NRXN3: variants seen among roughly 807,000 people sequenced by gnomAD.
NRXN3 encodes the protein neurexin 3.
Under a neutral mutation model 137.6 loss-of-function variants are expected in NRXN3, and 32 were observed. That is an observed-to-expected ratio of 0.23 (90% CI 0.18 to 0.31). NRXN3 has a LOEUF of 0.31. Ranked by LOEUF, NRXN3 falls within the 10% of genes least tolerant of loss-of-function variation. The pLI is 1.00. For missense variants in NRXN3, 1,574 were observed against 2,062.5 expected (o/e 0.76, Z 4.59); for synonymous variants, 798 against 784.5 (o/e 1.02, Z -0.29).
chr14:78,669,507 T>C lies in NRXN3; in HGVS notation c.1221+18181T>C, dbSNP rs79204220. ...GATGATATGCTAAACAAGAGGTATA[T>C]ATTTATTAAATACCTGCTAAAGACC... On this transcript the variant is annotated intron_variant, in intron 6 of 20. Coordinates refer to ENST00000335750, the MANE Select transcript of NRXN3 (RefSeq NM_001330195.2). 3.8e-3 allele frequency among the ~76,000 whole-genome samples: 574 copies of C among 152,294 alleles called. 2 individuals carry two copies. Among genetic ancestry groups the C allele is most frequent in the African/African-American group, 0.014 (567 of 41,560 alleles).
chr14:79,043,181 A>G (rs1432549320), intron 15 of NRXN3, among the ~76,000 whole-genome samples: 2 of 152,204 alleles, frequency 1.3e-5, no homozygotes, highest in Non-Finnish European at 2.9e-5. Flanking sequence ...TACCAAGTGA[A>G]TTGGTTAATA....
intron 4 of NRXN3, among the ~76,000 whole-genome samples, chr14:78,640,080 G>A (rs1341985244): frequency 6.6e-6 from 1 of 152,024 alleles, no homozygotes; most frequent in African/African-American, 2.4e-5. Flanking sequence ...TCCAATGATT[G>A]CATTTGGATC....
In NRXN3 at chr14:78,967,376, T is replaced by C; in HGVS notation, c.2946T>C (p.Gly982=). 5.0e-6 allele frequency: 8 copies of C among 1,613,362 alleles called. No individual in the cohort carries two copies. The highest frequency in any genetic ancestry group is 6.8e-6 in the Non-Finnish European group (8 of 1,179,610). The stretch of plus-strand genomic sequence containing the variant: ...AAGTGGTCACTCAGGTTATCAATGG[T>C]GCCAAAAATCTGGATTTGAAAGGTA... The part of the protein sequence containing the change: ...DTKVVTQVIN[G]AKNLDLKGDL... Residue 982 remains glycine (G), a synonymous_variant, in exon 13 of 21, where the codon GGT becomes GGC. Coordinates refer to ENST00000335750, the MANE Select transcript of NRXN3 (RefSeq NM_001330195.2).
chr14:78,172,044 T>C (rs1166470751), intron 1 of NRXN3, among the ~76,000 whole-genome samples: 1 of 152,122 alleles, frequency 6.6e-6, no homozygotes, highest in Non-Finnish European at 1.5e-5. Context: ...TAGTTTTTCT[T>C]TTACCACTAC....
rs549335568 is a variant in NRXN3, at chr14:79,136,751, A to G, written c.3262+148610A>G. On this transcript the variant is annotated intron_variant, in intron 15 of 20. Transcript: ENST00000335750. ...CTTATGTTCCCCAGGGACTGCCAGT[A>G]CTTTACTTGGCAAGAATAGAAAAGG... 2.6e-3 allele frequency among the ~76,000 whole-genome samples: 396 copies of G among 152,356 alleles called. 1 individual carries two copies. Among genetic ancestry groups the G allele is most frequent in the African/African-American group, 9.0e-3 (376 of 41,592 alleles).
At chr14:78,273,358 A>G (rs1252792570) in intron 2 of NRXN3, among the ~76,000 whole-genome samples, 6 of 152,238 alleles carry the variant, frequency 3.9e-5, no homozygotes, top group Admixed American at 3.9e-4. Flanking sequence ...CACTTAGAAC[A>G]GTGCCTAGCA....
chr14:78,445,122 G>T (rs1386593385), intron 4 of NRXN3, among the ~76,000 whole-genome samples: 2 of 152,124 alleles, frequency 1.3e-5, no homozygotes, highest in Non-Finnish European at 2.9e-5. Context: ...ATCCTGTTAG[G>T]CTTTGCTGAG....
intron 3 of NRXN3, among the ~76,000 whole-genome samples, chr14:78,294,485 G>A (rs1448892651): frequency 6.6e-6 from 1 of 150,978 alleles, no homozygotes; most frequent in African/African-American, 2.4e-5. Flanking sequence ...GAATCTGGGA[G>A]GCAGAGGTGG....
chr14:78,540,359 T>C (rs2096576911), intron 4 of NRXN3, among the ~76,000 whole-genome samples: 1 of 152,080 alleles, frequency 6.6e-6, no homozygotes, highest in Non-Finnish European at 1.5e-5. Context: ...TACCATTATA[T>C]AATGGCCTTC....
intron 19 of NRXN3, among the ~76,000 whole-genome samples, chr14:79,718,005 T>C (rs991350809): frequency 6.6e-6 from 1 of 152,152 alleles, no homozygotes; most frequent in Admixed American, 6.5e-5. Context: ...TTCTAGTTCT[T>C]ATGGAACATA....
chr14:79,285,851 C>G (rs913524251), intron 15 of NRXN3, among the ~76,000 whole-genome samples: 3 of 151,582 alleles, frequency 2.0e-5, no homozygotes, highest in Non-Finnish European at 4.4e-5. Context: ...CCTCACCGTG[C>G]GCTGCCCCCC....
chr14:79,075,707 G>C (rs1488544399), intron 15 of NRXN3, among the ~76,000 whole-genome samples: 3 of 152,244 alleles, frequency 2.0e-5, no homozygotes, highest in Non-Finnish European at 4.4e-5. Flanking sequence ...CATGCTGTTT[G>C]ATTACATTCC....
intron 16 of NRXN3, among the ~76,000 whole-genome samples, chr14:79,561,635 G>C (rs1047085997): frequency 2.6e-5 from 4 of 151,972 alleles, no homozygotes; most frequent in Non-Finnish European, 2.9e-5. Context: ...CCACAATCAG[G>C]ACACTCTTAT....
chr14:78,998,502 G>A (rs954649964), intron 15 of NRXN3, among the ~76,000 whole-genome samples: 7 of 152,104 alleles, frequency 4.6e-5, no homozygotes, highest in Admixed American at 3.9e-4. Flanking sequence ...CAAAGAAAAC[G>A]TTGCAAGAAG....
At chr14:78,484,381 G>C (rs971595982) in intron 4 of NRXN3, among the ~76,000 whole-genome samples, 2 of 152,166 alleles carry the variant, frequency 1.3e-5, no homozygotes, top group Non-Finnish European at 2.9e-5. Context: ...GCCCAGCTGG[G>C]GTTTTTAGTT....
chr14:78,227,660 C>T (rs2064853989), intron 1 of NRXN3, among the ~76,000 whole-genome samples: 1 of 152,174 alleles, frequency 6.6e-6, no homozygotes, highest in Admixed American at 6.5e-5. Context: ...GCAGTTAACA[C>T]CGAAGCAGAC....
chr14:79,855,405 C>G (rs2099400375), intron 20 of NRXN3, among the ~76,000 whole-genome samples: 1 of 152,150 alleles, frequency 6.6e-6, no homozygotes. Context: ...TATTTGGGCT[C>G]TCTCTACCTC....
intron 10 of NRXN3, among the ~76,000 whole-genome samples, chr14:78,870,518 T>G (rs2152564411): frequency 6.6e-6 from 1 of 152,306 alleles, no homozygotes; most frequent in South Asian, 2.1e-4. Flanking sequence ...ATCATTTTTT[T>G]TGTGTTAGGA....
chr14:79,741,491 T>C (rs890520474), intron 19 of NRXN3, among the ~76,000 whole-genome samples: 3 of 151,882 alleles, frequency 2.0e-5, no homozygotes, highest in African/African-American at 7.3e-5. Context: ...ATATAATTTT[T>C]TGTTGTTGTT....
Sources: allele counts gnomAD v4.1 joint callset (sites outside exome capture counted in the v4.1 genomes callset), GRCh38; gene constraint gnomAD v4.1.1; transcripts MANE v1.5; gene names NCBI Gene and HGNC (gene_info 2026-07-23, HGNC 2026-07-21).